The following LRBA variants were observed in gnomAD, a reference collection of about 807,000 sequenced individuals.
LRBA encodes lipopolysaccharide-responsive and beige-like anchor protein.
LRBA carries 176 observed loss-of-function variants against 330.0 expected under a neutral mutation model. The observed-to-expected ratio is 0.53, with a 90% CI of 0.47 to 0.60. LRBA has a LOEUF of 0.60. LRBA is among the 20% of genes least tolerant of loss of function. The pLI is 0.00. For synonymous variants in LRBA, 1,230 were observed against 1,193.0 expected, an observed-to-expected ratio of 1.03 and a Z score of -0.64; for missense variants, 3,259 against 3,444.8, an observed-to-expected ratio of 0.95 and a Z score of 1.35.
intron 40 of LRBA, among the ~76,000 whole-genome samples, chr4:150,574,465 A>C (rs1395939017): frequency 1.3e-5 from 2 of 152,020 alleles, no homozygotes; most frequent in East Asian, 3.9e-4. Context: ...TACCTAGTCC[A>C]ACCCACTCAT....
At chr4:150,912,612 C>T (rs1732136621) in intron 9 of LRBA, among the ~76,000 whole-genome samples, 1 of 152,180 alleles carries the variant, frequency 6.6e-6, no homozygotes, top group South Asian at 2.1e-4. Context: ...CCCTGCTGCG[C>T]CCCCACCACC....
chr4:150,499,248 T>G (rs961840840), intron 40 of LRBA, among the ~76,000 whole-genome samples: 28 of 152,204 alleles, frequency 1.8e-4, no homozygotes, highest in African/African-American at 6.0e-4. Context: ...TAATATAAAT[T>G]TTCCCTTTAT....
chr4:150,970,523 T>TGTGTGTGTGTGTG (rs1739417924), intron 2 of LRBA: 1 of 115,632 alleles, frequency 8.6e-6, no homozygotes, highest in African/African-American at 3.4e-5. Context: ...TAATATATAC[T>TGTGTGTGTGTGTG]TGTGTGTGTG....
At chr4:150,415,618 AT>A in intron 46 of LRBA, 28 bp from the exon 47 acceptor site, 7 of 1,348,362 alleles carry the variant, frequency 5.2e-6, no homozygotes, top group Non-Finnish European at 7.4e-6. Context: ...ACAATGTGAT[AT>A]TATAAACTGT....
chr4:150,631,675 G>C (rs1357564800), intron 37 of LRBA, among the ~76,000 whole-genome samples: 1 of 152,102 alleles, frequency 6.6e-6, no homozygotes, highest in Admixed American at 6.5e-5. Flanking sequence ...CAAACTTACA[G>C]GTGAGGGATA....
At chr4:150,835,405 A>C (rs917319810) in intron 28 of LRBA, among the ~76,000 whole-genome samples, 3 of 152,100 alleles carry the variant, frequency 2.0e-5, no homozygotes, top group Admixed American at 6.5e-5. Context: ...CAGTATGGCC[A>C]TTTTCATGAT....
chr4:150,396,185 A>ATTTTTTTTT (rs1744705064), intron 47 of LRBA, among the ~76,000 whole-genome samples: 3 of 152,166 alleles, frequency 2.0e-5, no homozygotes, highest in Non-Finnish European at 4.4e-5. Flanking sequence ...CAGAAGGATG[A>ATTTTTTTTT]ATTCCCTCCA....
At chr4:150,431,078 A>C (rs934739308) in intron 46 of LRBA, among the ~76,000 whole-genome samples, 1 of 152,182 alleles carries the variant, frequency 6.6e-6, no homozygotes, top group Non-Finnish European at 1.5e-5. Flanking sequence ...AATTCATTTA[A>C]ACTTCATGAG....
intron 37 of LRBA, among the ~76,000 whole-genome samples, chr4:150,650,667 T>C (rs958825769): frequency 5.9e-5 from 9 of 152,278 alleles, no homozygotes; most frequent in African/African-American, 2.2e-4. Flanking sequence ...AAACTGTTAA[T>C]ATTTGAATTG....
At chr4:150,610,385 C>T (rs917383968) in intron 37 of LRBA, among the ~76,000 whole-genome samples, 5 of 152,082 alleles carry the variant, frequency 3.3e-5, no homozygotes, top group African/African-American at 9.7e-5. Context: ...GTCAGGAGTT[C>T]GAGACCATCC....
intron 26 of LRBA, among the ~76,000 whole-genome samples, chr4:150,847,377 C>T (rs1192514830): frequency 3.3e-5 from 5 of 151,860 alleles, no homozygotes; most frequent in Non-Finnish European, 5.9e-5. Flanking sequence ...CAAGATATAC[C>T]ATTGATTATT....
chr4:150,843,844 A>T (rs2126883903), intron 28 of LRBA, among the ~76,000 whole-genome samples: 1 of 152,354 alleles, frequency 6.6e-6, no homozygotes, highest in East Asian at 1.9e-4. Flanking sequence ...ATACATGTAT[A>T]TCACTTAGAC....
intron 40 of LRBA, among the ~76,000 whole-genome samples, chr4:150,511,493 G>C (rs949052924): frequency 7.2e-5 from 11 of 152,118 alleles, no homozygotes; most frequent in African/African-American, 2.7e-4. Context: ...ACGCCATGCT[G>C]CTTCATGCTT....
chr4:150,842,739 C>G (rs1749276269), intron 28 of LRBA, among the ~76,000 whole-genome samples: 1 of 152,154 alleles, frequency 6.6e-6, no homozygotes, highest in Non-Finnish European at 1.5e-5. Context: ...CTCACTTTCA[C>G]CTCTTACTAA....
At chr4:150,777,503 G>A (rs553142459) in intron 34 of LRBA, among the ~76,000 whole-genome samples, 1 of 152,234 alleles carries the variant, frequency 6.6e-6, no homozygotes, top group Non-Finnish European at 1.5e-5. Flanking sequence ...TTGTTAAGAT[G>A]TAGTTATCTA....
intron 44 of LRBA, among the ~76,000 whole-genome samples, chr4:150,466,936 T>C (rs1342633347): frequency 6.6e-6 from 1 of 152,104 alleles, no homozygotes; most frequent in Non-Finnish European, 1.5e-5. Flanking sequence ...TCTCCAGATA[T>C]TAATTCCCAC....
At chr4:150,891,870 T>A (rs1158902087) in intron 17 of LRBA, among the ~76,000 whole-genome samples, 2 of 152,204 alleles carry the variant, frequency 1.3e-5, no homozygotes, top group East Asian at 3.8e-4. Context: ...GATCAATGTG[T>A]GTTTGAGCCT....
intron 36 of LRBA, among the ~76,000 whole-genome samples, chr4:150,695,801 T>C (rs1246135565): frequency 1.3e-5 from 2 of 152,212 alleles, no homozygotes; most frequent in African/African-American, 4.8e-5. Flanking sequence ...CTTAAGCAAA[T>C]CCTATCATCT....
intron 2 of LRBA, among the ~76,000 whole-genome samples, chr4:150,960,693 A>C (rs1738045120): frequency 6.7e-6 from 1 of 148,988 alleles, no homozygotes; most frequent in South Asian, 2.1e-4. Context: ...GTTTAAAGGT[A>C]ATTATTTGCC....
Sources: allele counts gnomAD v4.1 joint callset (sites outside exome capture counted in the v4.1 genomes callset), GRCh38; gene constraint gnomAD v4.1.1; transcripts MANE v1.5; gene names NCBI Gene and HGNC (gene_info 2026-07-23, HGNC 2026-07-21).